Variants in XXYLT1 observed in about 807,000 individuals in gnomAD.
XXYLT1 encodes UDP-xylose:alpha-xyloside alpha-1,3-xylosyltransferase.
Under a neutral mutation model 28.9 loss-of-function variants are expected in XXYLT1, and 20 were observed. That is an observed-to-expected ratio of 0.69 (90% CI 0.49 to 1.00). XXYLT1 has a LOEUF of 1.00. XXYLT1 is among the 50% of genes least tolerant of loss of function. XXYLT1 has a pLI of 0.00. For missense variants in XXYLT1, 542 were observed against 560.1 expected, an observed-to-expected ratio of 0.97 and a Z score of 0.33; for synonymous variants, 257 against 253.8, an observed-to-expected ratio of 1.01 and a Z score of -0.12.
intron 2 of XXYLT1, among the ~76,000 whole-genome samples, chr3:195,189,545 T>G (rs542747473): frequency 7.2e-4 from 110 of 152,334 alleles, no homozygotes; most frequent in African/African-American, 2.5e-3. Flanking sequence ...AGACAAATGC[T>G]AGAGTTAGTT....
At chr3:195,125,580 T>C (rs934815715) in intron 3 of XXYLT1, among the ~76,000 whole-genome samples, 1 of 152,178 alleles carries the variant, frequency 6.6e-6, no homozygotes, top group Non-Finnish European at 1.5e-5. Flanking sequence ...CACCACCTGA[T>C]TCAAAACTCT....
intron 3 of XXYLT1, among the ~76,000 whole-genome samples, chr3:195,132,116 C>A (rs1718935316): frequency 6.6e-6 from 1 of 152,068 alleles, no homozygotes; most frequent in African/African-American, 2.4e-5. Flanking sequence ...GCATGTGATC[C>A]ACACCGCTAA....
chr3:195,072,067 G>A (rs1314615460), intron 3 of XXYLT1, among the ~76,000 whole-genome samples: 3 of 152,164 alleles, frequency 2.0e-5, no homozygotes, highest in East Asian at 1.9e-4. Context: ...GGTGTGGCCC[G>A]TGCAGTCTCT....
At chr3:195,072,603 AT>A (rs1294958710) in intron 3 of XXYLT1, among the ~76,000 whole-genome samples, 1 of 152,184 alleles carries the variant, frequency 6.6e-6, no homozygotes, top group Non-Finnish European at 1.5e-5. Flanking sequence ...GTATTTGATG[AT>A]GGTCAGAAAG....
At chr3:195,128,378 C>G (rs1346022016) in intron 3 of XXYLT1, among the ~76,000 whole-genome samples, 1 of 152,104 alleles carries the variant, frequency 6.6e-6, no homozygotes, top group African/African-American at 2.4e-5. Flanking sequence ...TCATCTCAGC[C>G]CCAGGTATTC....
chr3:195,165,510 CA>C (rs1721075262), intron 2 of XXYLT1, among the ~76,000 whole-genome samples: 1 of 152,180 alleles, frequency 6.6e-6, no homozygotes, highest in African/African-American at 2.4e-5. Flanking sequence ...AGAAGAAACC[CA>C]CATCACAGCA....
chr3:195,195,513 A>T lies in XXYLT1; in HGVS notation c.652+31196T>A, dbSNP rs1374370024. On this transcript the variant is annotated intron_variant, in intron 2 of 3. Coordinates refer to ENST00000310380, the MANE Select transcript of XXYLT1 (RefSeq NM_152531.5). This position sits in a 1 kb window ranked among gnomAD's most constrained non-coding sequence, Gnocchi z 4.4. Reference sequence around the variant, plus strand: ...ACAGAGCCTCTTTCAGCTTTAAAAAAATAAAAGGACTCTCTTTTCTGTGTG... The same window carrying T: ...ACAGAGCCTCTTTCAGCTTTAAAAATATAAAAGGACTCTCTTTTCTGTGTG... Among the ~76,000 whole-genome samples, 1 of 152,186 alleles carries T rather than the reference A, an allele frequency of 6.6e-6. No individual in the cohort carries two copies. Among genetic ancestry groups the T allele is most frequent in the Non-Finnish European group, 1.5e-5 (1 of 68,042 alleles).
intron 3 of XXYLT1, among the ~76,000 whole-genome samples, chr3:195,140,195 A>G (rs1210215243): frequency 6.6e-6 from 1 of 152,372 alleles, no homozygotes; most frequent in African/African-American, 2.4e-5. Context: ...GAGTTACCTC[A>G]TCTCAACTTC....
chr3:195,099,679 A>C (rs1339214221), intron 3 of XXYLT1, among the ~76,000 whole-genome samples: 1 of 152,014 alleles, frequency 6.6e-6, no homozygotes, highest in African/African-American at 2.4e-5. Context: ...AAATACAAAA[A>C]AATTAGCCGG....
intron 3 of XXYLT1, among the ~76,000 whole-genome samples, chr3:195,089,331 G>A (rs1413086443): frequency 2.0e-5 from 3 of 152,172 alleles, no homozygotes; most frequent in African/African-American, 7.2e-5. Flanking sequence ...GGATCTCTCG[G>A]CAGAAACCCT....
At chr3:195,221,009 T>C (rs1375915513) in intron 2 of XXYLT1, among the ~76,000 whole-genome samples, 1 of 152,168 alleles carries the variant, frequency 6.6e-6, no homozygotes, top group Non-Finnish European at 1.5e-5. Context: ...CCATGTACCC[T>C]TGATAGAATG....
At chr3:195,263,899 A>G (rs1466400060) in intron 1 of XXYLT1, among the ~76,000 whole-genome samples, 1 of 152,214 alleles carries the variant, frequency 6.6e-6, no homozygotes, top group Non-Finnish European at 1.5e-5. Flanking sequence ...TGCCAGAAAC[A>G]GTGCTGAGAC....
chr3:195,112,216 G>A (rs1438704475), intron 3 of XXYLT1, among the ~76,000 whole-genome samples: 2 of 152,180 alleles, frequency 1.3e-5, no homozygotes, highest in Non-Finnish European at 2.9e-5. Flanking sequence ...CTGGGCAAAA[G>A]CCTACTGGAA....
At chr3:195,142,386 G>A (rs1298668310) in intron 3 of XXYLT1, among the ~76,000 whole-genome samples, 8 of 152,140 alleles carry the variant, frequency 5.3e-5, no homozygotes, top group Non-Finnish European at 1.2e-4. Context: ...TCACACTTTG[G>A]TTCCCCCTCT....
intron 2 of XXYLT1, among the ~76,000 whole-genome samples, chr3:195,182,556 C>T (rs1722003616): frequency 6.6e-6 from 1 of 152,146 alleles, no homozygotes; most frequent in Non-Finnish European, 1.5e-5. Flanking sequence ...CTCATGCTGC[C>T]AAAAGCTTAT....
At chr3:195,178,820 G>T (rs1489988295) in intron 2 of XXYLT1, among the ~76,000 whole-genome samples, 2 of 152,230 alleles carry the variant, frequency 1.3e-5, no homozygotes, top group Admixed American at 6.5e-5. Flanking sequence ...CTGATGGAAG[G>T]CTCTCTCTGA....
chr3:195,079,712 A>T (rs1008722031), intron 3 of XXYLT1, among the ~76,000 whole-genome samples: 1 of 152,138 alleles, frequency 6.6e-6, no homozygotes, highest in African/African-American at 2.4e-5. Context: ...GAGGGACAGA[A>T]GCGAGGACAG....
intron 1 of XXYLT1, among the ~76,000 whole-genome samples, chr3:195,260,941 AGATTGTCAGGTGGGCTACAGC>A (rs1281936061): frequency 6.6e-6 from 1 of 152,196 alleles, no homozygotes; most frequent in Admixed American, 6.5e-5. Flanking sequence ...GGCGGATGAC[AGATTGTCAGGTGGGCTACAGC>A]CCTGCCCTCA....
chr3:195,218,980 C>T (rs528952896), intron 2 of XXYLT1, among the ~76,000 whole-genome samples: 75 of 151,922 alleles, frequency 4.9e-4, no homozygotes, highest in Non-Finnish European at 6.5e-4. Flanking sequence ...GAATACTATG[C>T]AGCCATAAAA....
Sources: gnomAD v4.1 joint callset for allele counts (sites outside exome capture counted in the v4.1 genomes callset) on GRCh38, gnomAD v4.1.1 for gene constraint, Gnocchi (gnomAD v3.1) non-coding constraint, MANE v1.5 for transcripts, NCBI Gene and HGNC (gene_info 2026-07-23, HGNC 2026-07-21) for gene names.